The following LDB2 variants were observed in gnomAD, a reference collection of about 807,000 sequenced individuals.
LDB2 encodes the protein LIM domain-binding protein 2.
LDB2 carries 12 observed loss-of-function variants against 44.3 expected under a neutral mutation model. That is an observed-to-expected ratio of 0.27 (90% CI 0.17 to 0.44). LDB2 has a LOEUF of 0.44. Ranked by LOEUF, LDB2 falls within the 20% of genes least tolerant of loss-of-function variation. LDB2 has a pLI of 1.00. For missense variants in LDB2, 344 were observed against 473.5 expected, an observed-to-expected ratio of 0.73 and a Z score of 2.54; for synonymous variants, 164 against 174.8, an observed-to-expected ratio of 0.94 and a Z score of 0.49.
intron 2 of LDB2, among the ~76,000 whole-genome samples, chr4:16,722,428 A>G (rs1336483737): frequency 1.3e-5 from 2 of 152,168 alleles, no homozygotes; most frequent in Admixed American, 1.3e-4. Context: ...GACACCTCTC[A>G]GGACCCTTTA....
intron 2 of LDB2, among the ~76,000 whole-genome samples, chr4:16,748,860 G>A (rs150292684): frequency 8.5e-5 from 13 of 152,272 alleles, no homozygotes; most frequent in African/African-American, 3.1e-4. Context: ...TTTATAAACA[G>A]AGGCAGAGGG....
chr4:16,626,217 T>C (rs996075989), intron 2 of LDB2, among the ~76,000 whole-genome samples: 1 of 152,216 alleles, frequency 6.6e-6, no homozygotes, highest in Non-Finnish European at 1.5e-5. Flanking sequence ...TCTCTTTCCA[T>C]CTGCCTCATT....
chr4:16,744,313 TGCCCA>T (rs1336464482), intron 2 of LDB2, among the ~76,000 whole-genome samples: 5 of 151,720 alleles, frequency 3.3e-5, no homozygotes, highest in Non-Finnish European at 5.9e-5. Context: ...CCCGCCATCA[TGCCCA>T]GCTAATTTTT....
At chr4:16,589,997 G>A (rs1481120001) in intron 3 of LDB2, among the ~76,000 whole-genome samples, 2 of 152,168 alleles carry the variant, frequency 1.3e-5, no homozygotes, top group Non-Finnish European at 2.9e-5. Context: ...ACCTGGAATT[G>A]TGCCTGGCAT....
At chr4:16,546,800 C>G (rs1735930186) in intron 5 of LDB2, among the ~76,000 whole-genome samples, 3 of 152,170 alleles carry the variant, frequency 2.0e-5, no homozygotes, top group Admixed American at 2.0e-4. Flanking sequence ...GTTTCTAGCT[C>G]TCTCTTCTCC....
At chr4:16,586,108 T>C in intron 4 of LDB2, 103 bp from the exon 5 acceptor site, 1 of 838,978 alleles carries the variant, frequency 1.2e-6, no homozygotes. Context: ...CTCGACATTG[T>C]TGATTTTATT....
At chr4:16,780,404 G>A (rs1406579923) in intron 1 of LDB2, among the ~76,000 whole-genome samples, 1 of 151,964 alleles carries the variant, frequency 6.6e-6, no homozygotes, top group Non-Finnish European at 1.5e-5. Context: ...TGTATTTTTG[G>A]TACTGATGGA....
At chr4:16,893,528 T>C (rs1019469533) in intron 1 of LDB2, among the ~76,000 whole-genome samples, 2 of 145,494 alleles carry the variant, frequency 1.4e-5, no homozygotes, top group Admixed American at 6.8e-5. Flanking sequence ...CCCCACCCCC[T>C]CCCCAGGGAG....
chr4:16,880,570 G>A (rs535363603), intron 1 of LDB2, among the ~76,000 whole-genome samples: 13 of 152,022 alleles, frequency 8.6e-5, no homozygotes, highest in South Asian at 2.1e-4. Context: ...TGTAAACCTC[G>A]GAGCCTACTA....
rs111813827 is a variant in LDB2 at position 16,685,372 on chromosome 4, G to GT, written c.235+73785dup. Among the ~76,000 whole-genome samples, 6 of 151,800 alleles carry GT rather than the reference G, an allele frequency of 4.0e-5. No homozygotes were observed. The South Asian group carries it at 6.2e-4, about 16-fold the overall frequency. On this transcript the variant is annotated intron_variant, in intron 2 of 7. Transcript: ENST00000304523. ...CTCAGATACCTTTTACATCTCTCAA[G>GT]TTTTTTTTGTTTTGTTTTGTTTTTT...
intron 5 of LDB2, among the ~76,000 whole-genome samples, chr4:16,570,789 A>G (rs1577851606): frequency 6.6e-6 from 1 of 152,172 alleles, no homozygotes; most frequent in Non-Finnish European, 1.5e-5. Flanking sequence ...TGACGATGAT[A>G]ATCATAAAAT....
At chr4:16,758,232 C>T (rs982794077) in intron 2 of LDB2, among the ~76,000 whole-genome samples, 1 of 152,176 alleles carries the variant, frequency 6.6e-6, no homozygotes, top group African/African-American at 2.4e-5. Flanking sequence ...AGATTAGCAA[C>T]AATCAGAGCT....
chr4:16,766,446 G>GTA (rs1200908159), intron 1 of LDB2, among the ~76,000 whole-genome samples: 12 of 146,242 alleles, frequency 8.2e-5, no homozygotes, highest in Admixed American at 2.7e-4. Context: ...GTATGTGTGT[G>GTA]TATATATATA....
intron 4 of LDB2, among the ~76,000 whole-genome samples, chr4:16,587,718 A>C (rs1717506177): frequency 6.6e-6 from 1 of 152,150 alleles, no homozygotes; most frequent in Non-Finnish European, 1.5e-5. Flanking sequence ...GCTGGGAGAC[A>C]AAGTCAGAAC....
intron 7 of LDB2, among the ~76,000 whole-genome samples, chr4:16,507,964 AG>A (rs1720192011): frequency 6.6e-6 from 1 of 152,234 alleles, no homozygotes; most frequent in Admixed American, 6.5e-5. Context: ...AAAGGGGCCA[AG>A]GGTTCGAGAG....
chr4:16,798,337 G>C (rs1384798105), intron 1 of LDB2, among the ~76,000 whole-genome samples: 1 of 152,160 alleles, frequency 6.6e-6, no homozygotes, highest in Non-Finnish European at 1.5e-5. Flanking sequence ...CACACAACTG[G>C]ATAACTATGG....
At chr4:16,621,157 A>G (rs1728769148) in intron 2 of LDB2, among the ~76,000 whole-genome samples, 2 of 152,202 alleles carry the variant, frequency 1.3e-5, no homozygotes, top group African/African-American at 4.8e-5. Context: ...ATAACATTCT[A>G]GACTCATAAC....
intron 1 of LDB2, among the ~76,000 whole-genome samples, chr4:16,820,833 A>C (rs1179173797): frequency 6.6e-6 from 1 of 152,188 alleles, no homozygotes; most frequent in East Asian, 1.9e-4. Flanking sequence ...ACAATATTTC[A>C]ATCTTATTTT....
In LDB2 at chr4:16,581,967, G is replaced by T. The variant is rs7677411; in HGVS notation, c.615+3955C>A. ...AAGGGAGGGAGGGAAATAAAAGAAA[G>T]AAGGAAGGAAGGAAGGGAAGGAAGG... On this transcript the variant is annotated intron_variant, in intron 5 of 7. Transcript: ENST00000304523. 9.5e-3 allele frequency among the ~76,000 whole-genome samples: 1,204 copies of T among 126,848 alleles called. 24 individuals carry two copies. The highest frequency in any genetic ancestry group is 0.033 in the African/African-American group (1,136 of 34,288). The allele number at this position is 126,848 out of a possible 152,430, so 83.2% of individuals were successfully genotyped here.
Sources: allele counts gnomAD v4.1 joint callset (sites outside exome capture counted in the v4.1 genomes callset), GRCh38; gene constraint gnomAD v4.1.1; transcripts MANE v1.5; gene names NCBI Gene and HGNC (gene_info 2026-07-23, HGNC 2026-07-21).